The following CLOCK variants were observed in gnomAD, a reference collection of about 807,000 sequenced individuals.
CLOCK encodes circadian locomoter output cycles protein kaput.
Under a neutral mutation model 118.4 loss-of-function variants are expected in CLOCK, and 43 were observed. The ratio of observed to expected loss-of-function variants is 0.36; its 90% CI spans 0.28 to 0.47. The LOEUF (loss-of-function observed/expected upper bound fraction) is 0.47. Ranked by LOEUF, CLOCK falls within the 20% of genes least tolerant of loss-of-function variation. The pLI is 1.00. For missense variants in CLOCK, 846 were observed against 999.9 expected, an observed-to-expected ratio of 0.85 and a Z score of 2.08; for synonymous variants, 326 against 339.2, an observed-to-expected ratio of 0.96 and a Z score of 0.43.
At position 55,428,019 on chromosome 4, in the gene CLOCK, A is replaced by G. The variant is rs1722308382; in HGVS notation, c.*7396T>C. On this transcript the variant is annotated 3_prime_UTR_variant, in exon 23 of 23. Coordinates refer to ENST00000513440, the MANE Select transcript of CLOCK (RefSeq NM_004898.4). Reference sequence around the variant, plus strand: ...TTTTGAGAAATGCAGGTGATAACTGAAAAACATAGCACTGAGGTATTTTTT... The same window carrying G: ...TTTTGAGAAATGCAGGTGATAACTGGAAAACATAGCACTGAGGTATTTTTT... The G allele has an allele frequency of 6.6e-6, 1 of 152,252 alleles. No individual in the cohort carries two copies. Among genetic ancestry groups the G allele is most frequent in the Admixed American group, 6.5e-5 (1 of 15,284 alleles). 9.4% of individuals were successfully genotyped at this position (152,252 alleles called of 1,614,324 possible).
chr4:55,435,599 A>G lies in CLOCK; in HGVS notation c.2362-5T>C, dbSNP rs1478831334. ...CCCATGGAGCAACCTAGAAGTCTAA[A>G]AAACAAATGGATTATGCAGCATTGC... is the stretch of plus-strand genomic sequence containing the variant. On this transcript the variant is annotated splice_region_variant and splice_polypyrimidine_tract_variant and intron_variant, in intron 22 of 22. Transcript: ENST00000513440. The G allele has an allele frequency of 1.2e-6, 2 of 1,613,618 alleles. No homozygotes were observed. The highest frequency in any genetic ancestry group is 1.1e-5 in the South Asian group (1 of 91,024).
rs553353938 is a variant in CLOCK at position 55,526,822 on chromosome 4, C to T, written c.-289-16757G>A. On this transcript the variant is annotated intron_variant, in intron 1 of 22. Transcript: ENST00000513440. ...ATTAGCCGGGCAAAGTGGCAGGCAC[C>T]TGTAGTCCCAGCTACTCGGGAGGCT... is the stretch of plus-strand genomic sequence containing the variant. Among the ~76,000 whole-genome samples the T allele has an allele frequency of 1.1e-4, 17 of 151,924 alleles. No homozygotes were observed. The South Asian group carries it at 2.9e-3, about 26-fold the overall frequency.
chr4:55,505,887 C>T (rs1329846940), intron 2 of CLOCK, among the ~76,000 whole-genome samples: 1 of 150,802 alleles, frequency 6.6e-6, no homozygotes, highest in African/African-American at 2.4e-5. Context: ...CCATATCATA[C>T]ATAAACATAT....
intron 3 of CLOCK, among the ~76,000 whole-genome samples, chr4:55,488,268 T>C (rs113432726): frequency 2.0e-5 from 3 of 152,342 alleles, no homozygotes; most frequent in African/African-American, 7.2e-5. Context: ...AATACTGGCA[T>C]GTGCCAGGGC....
Position 55,470,749 on chromosome 4 carries a change from C to T in CLOCK, c.406G>A (p.Glu136Lys), listed in dbSNP as rs1445828488. ...MTDGSIIYVS[E>K]SVTSLLEHLP... The stretch of plus-strand genomic sequence containing the variant: ...TGTTCAAGTAATGAAGTTACACTCT[C>T]AGACACATATATTATGCTTCCATCT... Residue 136 changes from glutamate to lysine, a missense_variant, in exon 8 of 23, where the codon GAG becomes AAG. By Grantham distance (56) the Glu-to-Lys change is moderately conservative (BLOSUM62 1). Around this residue, in one of 4 missense-constraint regions of CLOCK, gnomAD observed 246 missense variants for 300.2 expected, o/e 0.82. Transcript: ENST00000513440. 2 of 1,611,050 alleles carry T rather than the reference C, an allele frequency of 1.2e-6. No homozygotes were observed. Among genetic ancestry groups the T allele is most frequent in the Admixed American group, 3.3e-5 (2 of 59,966 alleles).
intron 2 of CLOCK, among the ~76,000 whole-genome samples, chr4:55,491,573 G>GA (rs1265982551): frequency 3.9e-5 from 6 of 152,036 alleles, no homozygotes; most frequent in Non-Finnish European, 5.9e-5. Context: ...AGATAACCTA[G>GA]AAAAAATGGA....
chr4:55,514,163 C>T (rs932277652), intron 1 of CLOCK, among the ~76,000 whole-genome samples: 9 of 152,140 alleles, frequency 5.9e-5, no homozygotes, highest in Non-Finnish European at 7.4e-5. Context: ...AGTGGTAAAA[C>T]GGGACATCCT....
chr4:55,478,268 T>C (rs553322517), intron 6 of CLOCK, among the ~76,000 whole-genome samples: 1 of 152,280 alleles, frequency 6.6e-6, no homozygotes, highest in African/African-American at 2.4e-5. Context: ...GTTGATTTAC[T>C]AGATATACAT....
At chr4:55,506,008 T>C (rs1326292311) in intron 2 of CLOCK, among the ~76,000 whole-genome samples, 1 of 152,050 alleles carries the variant, frequency 6.6e-6, no homozygotes, top group Non-Finnish European at 1.5e-5. Context: ...ACAGTATAGT[T>C]ACCAACTTCA....
At chr4:55,514,364 AAAT>A (rs1375428104) in intron 1 of CLOCK, among the ~76,000 whole-genome samples, 1 of 152,076 alleles carries the variant, frequency 6.6e-6, no homozygotes. Context: ...TCTTTTGAAA[AAAT>A]TATTATTTAC....
rs1455128482 is a variant in CLOCK at position 55,433,188 on chromosome 4, T to C, written c.*2227A>G. On this transcript the variant is annotated 3_prime_UTR_variant, in exon 23 of 23. Coordinates refer to ENST00000513440, the MANE Select transcript of CLOCK (RefSeq NM_004898.4). ...TATTCCACAACATCCCCCTTGTCTG[T>C]GTACATATGCTCAGGTACATACATA... 1 of 152,660 alleles carries C rather than the reference T, an allele frequency of 6.6e-6. No homozygotes were observed. Among genetic ancestry groups the C allele is most frequent in the African/African-American group, 2.4e-5 (1 of 41,452 alleles). 9.5% of individuals were successfully genotyped at this position (152,660 alleles called of 1,614,324 possible). A position where few individuals can be genotyped will look rare whatever the true frequency, so the allele number is the denominator to read the frequency against.
Position 55,442,568 on chromosome 4 carries a change from G to A in CLOCK, c.1969C>T (p.Leu657Phe). The A allele has an allele frequency of 3.7e-6, 6 of 1,612,238 alleles. No homozygotes were observed. Among genetic ancestry groups the A allele is most frequent in the Non-Finnish European group, 5.1e-6 (6 of 1,179,750 alleles). The change falls in exon 21 of 23, where the codon CTT (leucine) becomes TTT (phenylalanine). Residue 657 changes from leucine to phenylalanine, a missense_variant. Leu to Phe is a conservative substitution (Grantham distance 22). This residue lies in a region of CLOCK where 520 missense variants were observed against 558.0 expected (regional missense o/e 0.93). Coordinates refer to ENST00000513440, the MANE Select transcript of CLOCK (RefSeq NM_004898.4). ...ATAGTGTTATACAGTGGGGCTGTAA[G>A]AGTGCTCTGTGTCTGACTGGGTAGA... ...TSLPSQTQST[L>F]TAPLYNTMVI...
intron 7 of CLOCK, among the ~76,000 whole-genome samples, chr4:55,471,650 A>T (rs959789834): frequency 5.3e-5 from 8 of 152,210 alleles, no homozygotes; most frequent in Non-Finnish European, 1.2e-4. Flanking sequence ...TATTTTATAC[A>T]CTACAATGTA....
chr4:55,461,812 C>CT (rs1043562927), intron 9 of CLOCK, among the ~76,000 whole-genome samples: 1 of 152,036 alleles, frequency 6.6e-6, no homozygotes. Flanking sequence ...TTTGTTTTTC[C>CT]TTTTTTTGCA....
Position 55,478,838 on chromosome 4 carries a change from A to G in CLOCK, c.233T>C (p.Ile78Thr). Residue 78 changes from isoleucine (I) to threonine (T), a missense_variant, in exon 6 of 23, where the codon ATT (isoleucine) becomes ACT (threonine). Ile to Thr is a moderately conservative substitution (Grantham distance 89). Around this residue, in one of 4 missense-constraint regions of CLOCK, gnomAD observed 246 missense variants for 300.2 expected, o/e 0.82. Coordinates refer to ENST00000513440, the MANE Select transcript of CLOCK (RefSeq NM_004898.4). ...MDKSTVLQKS[I>T]DFLRKHKEIT... ...ACCTTTATGTTTTCGTAAAAAATCA[A>G]TGCTTTTCTGCAGAACAGTAGATTT... 1 of 1,612,946 alleles carries G rather than the reference A, an allele frequency of 6.2e-7. No individual in the cohort carries two copies.
chr4:55,545,530 A>T (rs933830128), intron 1 of CLOCK: 1 of 152,188 alleles, frequency 6.6e-6, no homozygotes, highest in Non-Finnish European at 1.5e-5. Flanking sequence ...CTTCCACTGT[A>T]AAAATTTTTT....
In CLOCK at chr4:55,444,716, T is replaced by A; in HGVS notation, c.1609A>T (p.Ile537Leu). The part of the protein sequence containing the change: ...KDQLEQRTRM[I>L]EANIHRQQEE... ...TGTTGCCGATGAATATTTGCTTCTA[T>A]CATGCGTGTCCGTTGTTCCAATTGG... Residue 537 changes from isoleucine to leucine, a missense_variant, in exon 19 of 23, where the codon ATA becomes TTA. By Grantham distance (5) the Ile-to-Leu change is conservative. Transcript: ENST00000513440. 6.2e-7 allele frequency: 1 copy of A among 1,614,150 alleles called. No homozygotes were observed. Among genetic ancestry groups the A allele is most frequent in the Non-Finnish European group, 8.5e-7 (1 of 1,180,014 alleles).
intron 2 of CLOCK, among the ~76,000 whole-genome samples, chr4:55,499,512 C>T (rs1020147020): frequency 6.6e-6 from 1 of 152,200 alleles, no homozygotes; most frequent in African/African-American, 2.4e-5. Context: ...AACCTAGATC[C>T]CTTGCACTCG....
At position 55,430,996 on chromosome 4, in the gene CLOCK, G is replaced by A. The variant is rs1722463068; in HGVS notation, c.*4419C>T. The A allele has an allele frequency of 6.6e-6, 1 of 152,158 alleles. No homozygotes were observed. Among genetic ancestry groups the A allele is most frequent in the Non-Finnish European group, 1.5e-5 (1 of 68,026 alleles). The allele number at this position is 152,158 out of a possible 1,614,324, so 9.4% of individuals were successfully genotyped here. On this transcript the variant is annotated 3_prime_UTR_variant, in exon 23 of 23. Transcript: ENST00000513440. The stretch of plus-strand genomic sequence containing the variant: ...GTTCACTGGACCTAAACATTTCTCA[G>A]AAATGTGTCATTTTATATAATTTCA...
Sources: allele counts gnomAD v4.1 joint callset (sites outside exome capture counted in the v4.1 genomes callset), GRCh38; gene constraint gnomAD v4.1.1; regional missense constraint gnomAD v4.1.1; transcripts MANE v1.5; gene names NCBI Gene and HGNC (gene_info 2026-07-23, HGNC 2026-07-21).